DNASE1: variants seen among roughly 807,000 people sequenced by gnomAD.
The protein encoded by DNASE1 is deoxyribonuclease-1.
DNASE1 carries 40 observed loss-of-function variants against 33.9 expected under a neutral mutation model. The ratio of observed to expected loss-of-function variants is 1.18; its 90% CI spans 0.92 to 1.54. The LOEUF (loss-of-function observed/expected upper bound fraction) is 1.54, where lower values mean the gene tolerates loss of function less well. Among genes scored for constraint, DNASE1 ranks in the 40% most tolerant of loss-of-function variants. DNASE1 has a pLI of 0.00. For missense variants in DNASE1, 518 were observed against 372.6 expected, an observed-to-expected ratio of 1.39 and a Z score of -3.21; for synonymous variants, 216 against 160.0, an observed-to-expected ratio of 1.35 and a Z score of -2.64.
chr16:3,654,768 A>G lies in DNASE1; in HGVS notation c.-278A>G, dbSNP rs953477105. On this transcript the variant is annotated 5_prime_UTR_variant, in exon 1 of 9. Coordinates refer to ENST00000246949, the MANE Select transcript of DNASE1 (RefSeq NM_005223.4). ...GCAACCCACCTATGCGGAAAGCCAC[A>G]CAGAGCCATTGTTTTCTGCACTCTC... 3 of 400,186 alleles carry G rather than the reference A, an allele frequency of 7.5e-6. No individual in the cohort carries two copies. The highest frequency in any genetic ancestry group is 1.3e-5 in the Non-Finnish European group (3 of 227,376). The allele number at this position is 400,186 out of a possible 1,614,324, so 24.8% of individuals were successfully genotyped here.
chr16:3,649,515 C>G (rs1366752394), intron 1 of DNASE1, among the ~76,000 whole-genome samples: 1 of 152,148 alleles, frequency 6.6e-6, no homozygotes, highest in Non-Finnish European at 1.5e-5. Flanking sequence ...CTGAGAATTT[C>G]TTTGTGACAG....
rs1482283445 is a variant in DNASE1 at position 3,657,717 on chromosome 16, C to G, written c.705-3C>G. 2 of 1,614,018 alleles carry G rather than the reference C, an allele frequency of 1.2e-6. No individual in the cohort carries two copies. The highest frequency in any genetic ancestry group is 1.7e-6 in the Non-Finnish European group (2 of 1,180,016). On this transcript the variant is annotated splice_region_variant and splice_polypyrimidine_tract_variant and intron_variant, in intron 7 of 8. Coordinates refer to ENST00000246949, the MANE Select transcript of DNASE1 (RefSeq NM_005223.4). ...CCTACTTTCTCTTCCCAACACCCAT[C>G]AGGATCGTGGTTGCAGGGATGCTGC... is the stretch of plus-strand genomic sequence containing the variant.
chr16:3,656,982 C>T lies in DNASE1; in HGVS notation c.437-17C>T, dbSNP rs374469460. On this transcript the variant is annotated splice_polypyrimidine_tract_variant and intron_variant, in intron 5 of 8. Transcript: ENST00000246949. ...CCCCCAGGGAGTGTGCCTCACACGA[C>T]GTGGCTGTCTCCACAGAGGTCAGGG... 55 of 1,611,944 alleles carry T rather than the reference C, an allele frequency of 3.4e-5. No homozygotes were observed. The Admixed American group carries it at 5.4e-4, about 16-fold the overall frequency.
At chr16:3,634,829 A>G (rs751781097) in intron 1 of DNASE1, among the ~76,000 whole-genome samples, 1 of 151,746 alleles carries the variant, frequency 6.6e-6, no homozygotes, top group Non-Finnish European at 1.5e-5. Flanking sequence ...AAAAATATTA[A>G]TAATAGAGTC....
rs567742592 is a variant in DNASE1, at chr16:3,624,247, C to T, written c.-1359+12241C>T. 3.9e-3 allele frequency among the ~76,000 whole-genome samples: 574 copies of T among 146,958 alleles called. 2 individuals carry two copies. The highest frequency in any genetic ancestry group is 6.4e-3 in the Non-Finnish European group (429 of 67,312). ...CTGTGCCACTGCATTCCAGCCTGGG[C>T]GACAGAGTGAGACTCTGTCTCAAAA... On this transcript the variant is annotated intron_variant and NMD_transcript_variant, in intron 1 of 11. Transcript: ENST00000570769.
chr16:3,612,354 G>T (rs1421120248), intron 1 of DNASE1, among the ~76,000 whole-genome samples: 1 of 151,940 alleles, frequency 6.6e-6, no homozygotes, highest in African/African-American at 2.4e-5. Context: ...GGGTTCGAGC[G>T]GTTCTTGTGC....
downstream of DNASE1, chr16:3,659,525 C>CAATATTTTT (rs1438094010): frequency 6.6e-6 from 1 of 152,082 alleles, no homozygotes; most frequent in Non-Finnish European, 1.5e-5. Context: ...GACGTCAGAA[C>CAATATTTTT]AATATTTTTT....
At chr16:3,630,064 C>T (rs1318636277) in intron 1 of DNASE1, among the ~76,000 whole-genome samples, 2 of 152,174 alleles carry the variant, frequency 1.3e-5, no homozygotes, top group Non-Finnish European at 2.9e-5. Flanking sequence ...GGTGATCTGC[C>T]CACCTCGGCC....
rs141532520 is a variant in DNASE1 at position 3,618,405 on chromosome 16, C to T, written c.-1359+6399C>T. Among the ~76,000 whole-genome samples the T allele has an allele frequency of 1.7e-3, 263 of 152,264 alleles. 8 individuals are homozygous for T. In the East Asian group the frequency reaches 0.045, roughly 26 times the overall value. On this transcript the variant is annotated intron_variant and NMD_transcript_variant, in intron 1 of 11. Coordinates refer to the DNASE1 transcript ENST00000570769. ...AAATCATCATATGATTCAGCAATTC[C>T]GCTTCTAAGGATATGTCCCAAAAAA...
chr16:3,656,655 C>G lies in DNASE1; in HGVS notation c.338C>G (p.Ala113Gly). ...LFVYRPDQVS[A>G]VDSYYYDDGC... is the part of the protein sequence containing the mutation. ...TCCCGCAGGCCTGACCAGGTGTCTG[C>G]GGTGGACAGCTACTACTACGATGAT... is the stretch of plus-strand genomic sequence containing the variant. Residue 113 changes from alanine to glycine, a missense_variant, in exon 5 of 9, where the codon GCG becomes GGG. Transcript: ENST00000246949. 4 of 1,611,996 alleles carry G rather than the reference C, an allele frequency of 2.5e-6. No homozygotes were observed. Among genetic ancestry groups the G allele is most frequent in the Non-Finnish European group, 3.4e-6 (4 of 1,179,096 alleles).
chr16:3,638,213 T>G (rs1488955694), upstream of DNASE1, among the ~76,000 whole-genome samples: 1 of 152,158 alleles, frequency 6.6e-6, no homozygotes, highest in Non-Finnish European at 1.5e-5. Context: ...CATTCTTACC[T>G]ATATTTATCA....
chr16:3,626,107 G>C (rs566643226), intron 1 of DNASE1, among the ~76,000 whole-genome samples: 16 of 152,098 alleles, frequency 1.1e-4, no homozygotes, highest in Non-Finnish European at 1.9e-4. Context: ...CTCAAAAAGG[G>C]TGTAAAGATA....
chr16:3,658,962 G>GTAAGACTGTCTGTAGTTTT, downstream of DNASE1: 2 of 1,232,230 alleles, frequency 1.6e-6, no homozygotes, highest in Non-Finnish European at 2.3e-6. Context: ...AAGAAGCACA[G>GTAAGACTGTCTGTAGTTTT]TAAGACTGTC....
rs1390380246 is a variant in DNASE1, at chr16:3,655,418, C to A, written c.45C>A (p.Ala15=). ...KLLGALLALA[A]LLQGAVSLKI... ...TGGGGGCGCTGCTGGCACTGGCGGCCCTACTGCAGGGGGCCGTGTCCCTGA... is the reference window on the plus strand; with the variant it reads ...TGGGGGCGCTGCTGGCACTGGCGGCACTACTGCAGGGGGCCGTGTCCCTGA... The change falls in exon 2 of 9, where the codon GCC becomes GCA. Residue 15 remains alanine, a synonymous_variant. Coordinates refer to ENST00000246949, the MANE Select transcript of DNASE1 (RefSeq NM_005223.4). 1 of 1,613,950 alleles carries A rather than the reference C, an allele frequency of 6.2e-7. No individual in the cohort carries two copies. The highest frequency in any genetic ancestry group is 8.5e-7 in the Non-Finnish European group (1 of 1,180,034).
chr16:3,613,931 T>TTTTTTTTG (rs2041003581), intron 1 of DNASE1, among the ~76,000 whole-genome samples: 2 of 139,924 alleles, frequency 1.4e-5, no homozygotes, highest in Non-Finnish European at 1.5e-5. Flanking sequence ...TTTTTTTTTT[T>TTTTTTTTG]GGACAAAATC....
rs188922683 is a variant in DNASE1, at chr16:3,620,361, A to C, written c.-1359+8355A>C. On this transcript the variant is annotated intron_variant and NMD_transcript_variant, in intron 1 of 11. Transcript: ENST00000570769. ...AAAGGCTTCGTATAATTAGTAAAGA[A>C]ACCTTTTATTTATTTATTTAGAGAC... 4.0e-5 allele frequency among the ~76,000 whole-genome samples: 6 copies of C among 151,842 alleles called. No homozygotes were observed. In the East Asian group the frequency reaches 1.2e-3, roughly 30 times the overall value.
chr16:3,659,415 C>T (rs527455581), downstream of DNASE1: 1 of 152,166 alleles, frequency 6.6e-6, no homozygotes, highest in Non-Finnish European at 1.5e-5. Flanking sequence ...TCAAAGATGA[C>T]AAGCACAATT....
Position 3,655,625 on chromosome 16 carries a change from T to C in DNASE1, c.147+105T>C, listed in dbSNP as rs146417970. On this transcript the variant is annotated intron_variant, in intron 2 of 8. Coordinates refer to ENST00000246949, the MANE Select transcript of DNASE1 (RefSeq NM_005223.4). ...CCACAGGGTGTCGGGTGTGGGGTACTGAGCACCACTGCTCCCAGCACGGTG... is the reference window on the plus strand; with the variant it reads ...CCACAGGGTGTCGGGTGTGGGGTACCGAGCACCACTGCTCCCAGCACGGTG... 9.7e-3 allele frequency: 15,030 copies of C among 1,541,948 alleles called. 121 individuals are homozygous for C. Among genetic ancestry groups the C allele is most frequent in the Middle Eastern group, 0.02 (117 of 5,912 alleles).
At chr16:3,612,598 G>A (rs1258030758) in intron 1 of DNASE1, among the ~76,000 whole-genome samples, 3 of 141,358 alleles carry the variant, frequency 2.1e-5, no homozygotes, top group Non-Finnish European at 4.6e-5. Flanking sequence ...GGGCGGGGGG[G>A]GGAGTCTCAC....
Sources: allele counts gnomAD v4.1 joint callset (sites outside exome capture counted in the v4.1 genomes callset), GRCh38; gene constraint gnomAD v4.1.1; transcripts MANE v1.5; gene names NCBI Gene and HGNC (gene_info 2026-07-23, HGNC 2026-07-21).